ERBB4: variants seen among roughly 807,000 people sequenced by gnomAD.
The protein encoded by ERBB4 is receptor tyrosine-protein kinase erbB-4.
Under a neutral mutation model 158.0 loss-of-function variants are expected in ERBB4, and 42 were observed. That is an observed-to-expected ratio of 0.27 (90% CI 0.21 to 0.34). The LOEUF is 0.34. Among genes scored for constraint, ERBB4 ranks in the 10% least tolerant of loss-of-function variants. The pLI is 1.00. For synonymous variants in ERBB4, 583 were observed against 558.7 expected (o/e 1.04, Z -0.61); for missense variants, 1,333 against 1,624.1 (o/e 0.82, Z 3.08).
intron 1 of ERBB4, among the ~76,000 whole-genome samples, chr2:212,304,938 A>G (rs1170835128): frequency 1.3e-5 from 2 of 151,000 alleles, no homozygotes; most frequent in African/African-American, 4.9e-5. Flanking sequence ...GTATGCGTAC[A>G]TGTCTGTGTG....
intron 1 of ERBB4, among the ~76,000 whole-genome samples, chr2:212,489,433 G>A (rs1026305227): frequency 4.0e-5 from 6 of 151,898 alleles, no homozygotes; most frequent in South Asian, 4.2e-4. Flanking sequence ...TTTTTCTATT[G>A]CTCACTCCCC....
At chr2:211,704,046 A>T (rs564288843) in intron 11 of ERBB4, 58 bp downstream of exon 11, 10 of 958,316 alleles carry the variant, frequency 1.0e-5, no homozygotes, top group East Asian at 9.5e-5. Flanking sequence ...GACTTAATGC[A>T]CACACAATGC....
chr2:212,522,330 T>C (rs1480970814), intron 1 of ERBB4, among the ~76,000 whole-genome samples: 2 of 152,002 alleles, frequency 1.3e-5, no homozygotes, highest in African/African-American at 2.4e-5. Flanking sequence ...TAATAAGTAC[T>C]AGATATTATG....
chr2:211,923,174 A>G (rs1046977977), intron 3 of ERBB4, among the ~76,000 whole-genome samples: 4 of 152,168 alleles, frequency 2.6e-5, no homozygotes, highest in Non-Finnish European at 4.4e-5. Flanking sequence ...TGCTAGAGGA[A>G]GACAAGACGG....
In ERBB4 at chr2:212,171,604, T is replaced by C. The variant is rs191440968; in HGVS notation, c.83-46701A>G. ...GAAGGAGGGACCAGGTTGAAGGTGATTGGATCATGTAGGTGTCTTCCCCCA... is the reference window on the plus strand; with the variant it reads ...GAAGGAGGGACCAGGTTGAAGGTGACTGGATCATGTAGGTGTCTTCCCCCA... On this transcript the variant is annotated intron_variant, in intron 1 of 27. Coordinates refer to ENST00000342788, the MANE Select transcript of ERBB4 (RefSeq NM_005235.3). 7.9e-5 allele frequency among the ~76,000 whole-genome samples: 12 copies of C among 152,196 alleles called. No individual in the cohort carries two copies. In the East Asian group the frequency reaches 2.1e-3, roughly 27 times the overall value.
intron 1 of ERBB4, among the ~76,000 whole-genome samples, chr2:212,393,026 C>T (rs868330347): frequency 6.6e-6 from 1 of 152,012 alleles, no homozygotes; most frequent in Non-Finnish European, 1.5e-5. Context: ...ACTACAATAG[C>T]CACCAAAGCA....
At chr2:211,662,082 A>G (rs111456722) in intron 15 of ERBB4, among the ~76,000 whole-genome samples, 7,211 of 124,974 alleles carry the variant, frequency 0.058, 345 homozygotes, top group Non-Finnish European at 0.095. Flanking sequence ...AAAAAAAAAA[A>G]GATTAAGGTA....
chr2:211,571,110 T>C (rs2067716702), intron 19 of ERBB4, among the ~76,000 whole-genome samples: 1 of 140,118 alleles, frequency 7.1e-6, no homozygotes, highest in African/African-American at 2.6e-5. Context: ...TGGCACAATC[T>C]CGGCTCATTG....
Position 212,437,494 on chromosome 2 carries a change from A to C in ERBB4, c.82+100955T>G, listed in dbSNP as rs1452771792. Among the ~76,000 whole-genome samples, 3 of 28,132 alleles carry C rather than the reference A, an allele frequency of 1.1e-4. No homozygotes were observed. The African/African-American group carries it at 1.3e-3, about 12-fold the overall frequency. The allele number at this position is 28,132 out of a possible 152,430, so 18.5% of individuals were successfully genotyped here. On this transcript the variant is annotated intron_variant, in intron 1 of 27. Coordinates refer to ENST00000342788, the MANE Select transcript of ERBB4 (RefSeq NM_005235.3). The stretch of plus-strand genomic sequence containing the variant: ...CTACTTATATTCATGTTCTGATACA[A>C]AAAAAAAAAAAAAGGAAGATTGGTC...
chr2:212,266,271 A>G (rs2085133575), intron 1 of ERBB4, among the ~76,000 whole-genome samples: 2 of 152,068 alleles, frequency 1.3e-5, no homozygotes, highest in East Asian at 1.9e-4. Context: ...TTCTTTCAAA[A>G]TAAGATATAA....
chr2:212,390,410 C>A lies in ERBB4; in HGVS notation c.82+148039G>T, dbSNP rs1401050651. On this transcript the variant is annotated intron_variant, in intron 1 of 27. Coordinates refer to ENST00000342788, the MANE Select transcript of ERBB4 (RefSeq NM_005235.3). Reference sequence around the variant, plus strand: ...TTTAAATAATGAAATCATTTTTCACCTGTTATCTCTGAGGGAATTTACACA... The same window carrying A: ...TTTAAATAATGAAATCATTTTTCACATGTTATCTCTGAGGGAATTTACACA... Among the ~76,000 whole-genome samples the A allele has an allele frequency of 2.0e-5, 3 of 151,450 alleles. No individual in the cohort carries two copies. The East Asian group carries it at 5.8e-4, about 29-fold the overall frequency.
At chr2:212,116,319 CTTCT>C (rs2079570303) in intron 2 of ERBB4, among the ~76,000 whole-genome samples, 2 of 151,232 alleles carry the variant, frequency 1.3e-5, no homozygotes, top group Admixed American at 1.3e-4. Context: ...TGTATCATTC[CTTCT>C]AATACTTCTT....
At chr2:212,144,781 A>T (rs1243518722) in intron 1 of ERBB4, among the ~76,000 whole-genome samples, 1 of 152,226 alleles carries the variant, frequency 6.6e-6, no homozygotes, top group Non-Finnish European at 1.5e-5. Flanking sequence ...TCGCATAAAA[A>T]GTATTACAGA....
At chr2:212,373,951 C>CT (rs762810727) in intron 1 of ERBB4, among the ~76,000 whole-genome samples, 1 of 35,178 alleles carries the variant, frequency 2.8e-5, no homozygotes, top group Admixed American at 2.7e-4. Flanking sequence ...ATATATATAT[C>CT]ATATATATAT....
chr2:211,953,622 T>C (rs905276690), intron 2 of ERBB4, among the ~76,000 whole-genome samples: 8 of 151,962 alleles, frequency 5.3e-5, no homozygotes, highest in Non-Finnish European at 7.4e-5. Flanking sequence ...TTCCTCCTCA[T>C]GGTGTAAGCT....
At chr2:212,231,221 T>C (rs1282836310) in intron 1 of ERBB4, among the ~76,000 whole-genome samples, 1 of 152,096 alleles carries the variant, frequency 6.6e-6, no homozygotes, top group African/African-American at 2.4e-5. Flanking sequence ...GAAGGAACGA[T>C]TTCACACTAA....
intron 3 of ERBB4, among the ~76,000 whole-genome samples, chr2:211,883,362 G>T (rs1231746242): frequency 6.6e-6 from 1 of 151,810 alleles, no homozygotes; most frequent in Non-Finnish European, 1.5e-5. Flanking sequence ...CAAGTTAATG[G>T]GTGCAGCACA....
At chr2:212,211,869 A>G (rs2082947222) in intron 1 of ERBB4, among the ~76,000 whole-genome samples, 1 of 152,078 alleles carries the variant, frequency 6.6e-6, no homozygotes, top group African/African-American at 2.4e-5. Context: ...AGCTTCATAC[A>G]TGTCCTCGCA....
intron 13 of ERBB4, among the ~76,000 whole-genome samples, chr2:211,675,869 G>C (rs2072051052): frequency 6.8e-6 from 1 of 147,570 alleles, no homozygotes; most frequent in South Asian, 2.1e-4. Context: ...ACTTTCAGTA[G>C]TTTCAAAAAT....
Sources: gnomAD v4.1 joint callset for allele counts (sites outside exome capture counted in the v4.1 genomes callset) on GRCh38, gnomAD v4.1.1 for gene constraint, MANE v1.5 for transcripts, NCBI Gene and HGNC (gene_info 2026-07-23, HGNC 2026-07-21) for gene names.